The following TNS3 variants were observed in gnomAD, a reference collection of about 807,000 sequenced individuals.
The protein encoded by TNS3 is tensin 3.
In TNS3, 45 loss-of-function variants were observed where a neutral mutation model predicts 140.9. That is an observed-to-expected ratio of 0.32 (90% CI 0.25 to 0.41). The LOEUF (loss-of-function observed/expected upper bound fraction) is 0.41, where lower values mean the gene tolerates loss of function less well. TNS3 is among the 10% of genes least tolerant of loss of function. The probability of loss-of-function intolerance (pLI) is 1.00; values close to 1 mark genes in which losing one functional copy is unlikely to be tolerated. For missense variants in TNS3, 1,716 were observed against 1,906.7 expected (o/e 0.90, Z 1.86); for synonymous variants, 815 against 788.4 (o/e 1.03, Z -0.56).
chr7:47,305,493 G>A (rs1048360816), intron 20 of TNS3, among the ~76,000 whole-genome samples: 3 of 152,240 alleles, frequency 2.0e-5, no homozygotes, highest in African/African-American at 7.2e-5. Context: ...CGGCCTAGGT[G>A]TCCTCCACCT....
intron 17 of TNS3, among the ~76,000 whole-genome samples, chr7:47,363,821 G>A (rs1377160138): frequency 6.6e-6 from 1 of 152,184 alleles, no homozygotes; most frequent in Non-Finnish European, 1.5e-5. Flanking sequence ...CCCCTTGCAG[G>A]GTTAGGTGAT....
chr7:47,441,239 C>T (rs932170449), intron 5 of TNS3, among the ~76,000 whole-genome samples: 7 of 152,072 alleles, frequency 4.6e-5, no homozygotes, highest in Admixed American at 6.6e-5. Context: ...AATGCAGTGG[C>T]GCAATCTCGG....
intron 4 of TNS3, among the ~76,000 whole-genome samples, chr7:47,474,720 A>C (rs1174023223): frequency 2.0e-5 from 3 of 148,456 alleles, no homozygotes; most frequent in Admixed American, 6.7e-5. Flanking sequence ...CAGCACAGAC[A>C]TGTACACACA....
At chr7:47,299,673 C>T (rs1786269494) in intron 23 of TNS3, among the ~76,000 whole-genome samples, 1 of 152,212 alleles carries the variant, frequency 6.6e-6, no homozygotes, top group Non-Finnish European at 1.5e-5. Flanking sequence ...AGCTGCCAGG[C>T]TGCAGGGGTG....
intron 16 of TNS3, among the ~76,000 whole-genome samples, chr7:47,377,663 G>A (rs1041040318): frequency 7.0e-6 from 1 of 142,640 alleles, no homozygotes; most frequent in African/African-American, 2.5e-5. Context: ...CCAACCTGAG[G>A]TGGCTCCTCT....
In TNS3 at chr7:47,427,615, G is replaced by C. The variant is rs372949377; in HGVS notation, c.389+697C>G. Among the ~76,000 whole-genome samples the C allele has an allele frequency of 2.3e-4, 35 of 152,332 alleles. No homozygotes were observed. The South Asian group carries it at 7.2e-3, about 32-fold the overall frequency. On this transcript the variant is annotated intron_variant, in intron 9 of 30. Coordinates refer to ENST00000311160, the MANE Select transcript of TNS3 (RefSeq NM_022748.12). The stretch of plus-strand genomic sequence containing the variant: ...CACAGCTGCCCAGGGCCAGAAGGAT[G>C]GGCATAGGGCTGAGGTCCTTGTGGC...
At chr7:47,421,435 T>TA (rs544222289) in intron 10 of TNS3, among the ~76,000 whole-genome samples, 1 of 128,686 alleles carries the variant, frequency 7.8e-6, no homozygotes, top group Non-Finnish European at 1.8e-5. Flanking sequence ...ATCCAGCTAA[T>TA]TTTTTTTTTT....
chr7:47,291,823 T>C (rs1217536217), intron 27 of TNS3, 132 bp downstream of exon 27: 2 of 998,546 alleles, frequency 2.0e-6, no homozygotes, highest in Non-Finnish European at 1.5e-6. Flanking sequence ...CAAGCTTCTA[T>C]AAAAGGAAAC....
chr7:47,325,947 C>T (rs1223331468), intron 20 of TNS3, among the ~76,000 whole-genome samples: 2 of 152,188 alleles, frequency 1.3e-5, no homozygotes, highest in Admixed American at 1.3e-4. Flanking sequence ...ATGGTCCTGG[C>T]TGCAAACTGC....
intron 16 of TNS3, among the ~76,000 whole-genome samples, chr7:47,388,826 A>C (rs4724570): frequency 0.89 from 134,174 of 151,422 alleles, 61,151 homozygotes; most frequent in Non-Finnish European, 0.99. Flanking sequence ...AAGATTGGGC[A>C]GCTGCACTCC....
rs1250583602 is a variant in TNS3 at position 47,453,063 on chromosome 7, TG to T, written c.-75-11009del. 96 of 985,516 alleles carry T rather than the reference TG, an allele frequency of 9.7e-5. No homozygotes were observed. The Middle Eastern group carries it at 2.1e-3, about 21-fold the overall frequency. 61.0% of individuals were successfully genotyped at this position (985,516 alleles called of 1,614,324 possible). On this transcript the variant is annotated intron_variant, in intron 4 of 30. Transcript: ENST00000311160. ...CTTCGTGTTAATGTCTCGGCAGCTCTGGGCATAAAGGAGGCAGCTGGAATAG... is the reference window on the plus strand; with the variant it reads ...CTTCGTGTTAATGTCTCGGCAGCTCTGGCATAAAGGAGGCAGCTGGAATAG...
chr7:47,389,163 AAGCAGCAGAAGC>A (rs1562676061), intron 16 of TNS3, among the ~76,000 whole-genome samples: 6 of 10,102 alleles, frequency 5.9e-4, no homozygotes, highest in African/African-American at 1.1e-3. Context: ...GAAGCAGAAG[AAGCAGCAGAAGC>A]AGAAGAAGCA....
chr7:47,334,849 C>T (rs1332933587), intron 20 of TNS3, among the ~76,000 whole-genome samples: 2 of 152,026 alleles, frequency 1.3e-5, no homozygotes, highest in East Asian at 1.9e-4. Context: ...CCTCATGATC[C>T]GCCTGCCTTG....
intron 20 of TNS3, among the ~76,000 whole-genome samples, chr7:47,320,082 T>C (rs2150835610): frequency 6.6e-6 from 1 of 152,370 alleles, no homozygotes; most frequent in East Asian, 1.9e-4. Flanking sequence ...ATGCATTTTA[T>C]CTTTGTTCAG....
At chr7:47,416,473 A>C (rs1242580798) in intron 10 of TNS3, among the ~76,000 whole-genome samples, 1 of 152,242 alleles carries the variant, frequency 6.6e-6, no homozygotes, top group African/African-American at 2.4e-5. Flanking sequence ...AAATGTTAGA[A>C]AAGCGAGTTT....
intron 15 of TNS3, among the ~76,000 whole-genome samples, chr7:47,400,164 G>A (rs929131400): frequency 5.9e-5 from 9 of 152,162 alleles, no homozygotes; most frequent in African/African-American, 2.2e-4. Context: ...CATGCCCAAG[G>A]CTCTCCTGGC....
chr7:47,568,759 G>A (rs117982757), intron 1 of TNS3, among the ~76,000 whole-genome samples: 7 of 152,248 alleles, frequency 4.6e-5, no homozygotes, highest in African/African-American at 1.7e-4. Context: ...AGATGTGGGG[G>A]AGTCGTGAGT....
chr7:47,539,439 C>T (rs573481653), intron 1 of TNS3: 47 of 302,164 alleles, frequency 1.6e-4, no homozygotes, highest in Middle Eastern at 1.2e-3. Flanking sequence ...AATCCTAAGG[C>T]GAATCCGCAT....
chr7:47,576,348 CTGT>C (rs2152026210), intron 1 of TNS3, among the ~76,000 whole-genome samples: 1 of 152,128 alleles, frequency 6.6e-6, no homozygotes, highest in African/African-American at 2.4e-5. Flanking sequence ...AGGAGCAAAC[CTGT>C]GGAGGAACGA....
Sources: allele counts gnomAD v4.1 joint callset (sites outside exome capture counted in the v4.1 genomes callset), GRCh38; gene constraint gnomAD v4.1.1; transcripts MANE v1.5; gene names NCBI Gene and HGNC (gene_info 2026-07-23, HGNC 2026-07-21).